Variants in YIPF1 observed in about 807,000 individuals in gnomAD.
YIPF1 encodes the protein Yip1 domain family member 1.
YIPF1 carries 22 observed loss-of-function variants against 37.0 expected under a neutral mutation model. The observed-to-expected ratio is 0.59, with a 90% CI of 0.42 to 0.85. YIPF1 has a LOEUF of 0.85. Ranked by LOEUF, YIPF1 falls within the 40% of genes least tolerant of loss-of-function variation. YIPF1 has a pLI of 0.00. For missense variants in YIPF1, 355 were observed against 373.1 expected (o/e 0.95, Z 0.40); for synonymous variants, 128 against 131.9 (o/e 0.97, Z 0.21).
intron 3 of YIPF1, among the ~76,000 whole-genome samples, chr1:53,883,969 A>C (rs1339578358): frequency 6.6e-6 from 1 of 151,760 alleles, no homozygotes; most frequent in Non-Finnish European, 1.5e-5. Context: ...CCCAGGAGGC[A>C]AAGGTTGCAG....
Position 53,878,414 on chromosome 1 carries a change from C to G in YIPF1, c.277-12G>C. 1 of 1,612,048 alleles carries G rather than the reference C, an allele frequency of 6.2e-7. No individual in the cohort carries two copies. The highest frequency in any genetic ancestry group is 8.5e-7 in the Non-Finnish European group (1 of 1,179,426). Reference sequence around the variant, plus strand: ...ATTCTGTCAAAGACCTGGAAAACATCATAGCAGTAATTCTACTGAAGTTTT... The same window carrying G: ...ATTCTGTCAAAGACCTGGAAAACATGATAGCAGTAATTCTACTGAAGTTTT... On this transcript the variant is annotated splice_polypyrimidine_tract_variant and intron_variant, in intron 5 of 10. Coordinates refer to ENST00000072644, the MANE Select transcript of YIPF1 (RefSeq NM_018982.5).
chr1:53,869,108 A>AG (rs1411066998), intron 7 of YIPF1, among the ~76,000 whole-genome samples: 1 of 151,778 alleles, frequency 6.6e-6, no homozygotes, highest in African/African-American at 2.4e-5. Context: ...GGGGAAGAAA[A>AG]GAAGGAAGGA....
intron 9 of YIPF1, among the ~76,000 whole-genome samples, chr1:53,864,021 C>T (rs1379279556): frequency 9.9e-5 from 15 of 152,274 alleles, no homozygotes; most frequent in South Asian, 2.1e-4. Context: ...GGATTATAGG[C>T]GAGAGCCACC....
intron 10 of YIPF1, among the ~76,000 whole-genome samples, chr1:53,856,992 T>C (rs1488351429): frequency 6.6e-6 from 1 of 152,174 alleles, no homozygotes; most frequent in Non-Finnish European, 1.5e-5. Context: ...TCCATCTCAC[T>C]ATCAGACTCG....
In YIPF1 at chr1:53,871,323, C is replaced by G. The variant is rs142523150; in HGVS notation, c.481+49G>C. 2.4e-4 allele frequency: 374 copies of G among 1,563,130 alleles called. No individual in the cohort carries two copies. In the East Asian group the frequency reaches 7.6e-3, roughly 32 times the overall value. On this transcript the variant is annotated intron_variant, in intron 7 of 10. Transcript: ENST00000072644. ...AGGAGCTCAGTGGGTAAAAAGAACT[C>G]AAAGCTAGAAACTGACAGCATTCCA...
chr1:53,871,030 A>G (rs1393830386), intron 7 of YIPF1, among the ~76,000 whole-genome samples: 2 of 151,572 alleles, frequency 1.3e-5, no homozygotes, highest in African/African-American at 4.8e-5. Context: ...AAAAAAAAAA[A>G]AAAAAAGGAA....
Position 53,851,832 on chromosome 1 carries a change from TCTACTGTTCGG to T in YIPF1, c.*436_*446del, listed in dbSNP as rs1000654642. On this transcript the variant is annotated 3_prime_UTR_variant, in exon 11 of 11. Transcript: ENST00000072644. Reference sequence around the variant, plus strand: ...CTCCCGGTTAATCCCCACCAAAGTTTCTACTGTTCGGCTACTTCAGGATGGCTAACATTTGG... The same window carrying T: ...CTCCCGGTTAATCCCCACCAAAGTTTCTACTTCAGGATGGCTAACATTTGG... 1.3e-5 allele frequency: 2 copies of T among 152,202 alleles called. No individual in the cohort carries two copies. The highest frequency in any genetic ancestry group is 4.8e-5 in the African/African-American group (2 of 41,428). 9.4% of individuals were successfully genotyped at this position (152,202 alleles called of 1,614,324 possible). A position where few individuals can be genotyped will look rare whatever the true frequency, so the allele number is the denominator to read the frequency against.
chr1:53,857,684 A>G lies in YIPF1; in HGVS notation c.*8+2372T>C, dbSNP rs1445331469. Among the ~76,000 whole-genome samples the G allele has an allele frequency of 3.9e-5, 6 of 152,146 alleles. No homozygotes were observed. The East Asian group carries it at 1.2e-3, about 29-fold the overall frequency. On this transcript the variant is annotated intron_variant, in intron 10 of 10. Transcript: ENST00000072644. The stretch of plus-strand genomic sequence containing the variant: ...AGAGTGGCCAATGAGAGAATAAACT[A>G]GGAAATGTTTTGTCAGGCCGGGCGC...
chr1:53,875,614 C>T (rs1650315612), intron 6 of YIPF1, among the ~76,000 whole-genome samples: 2 of 152,228 alleles, frequency 1.3e-5, no homozygotes, highest in South Asian at 2.1e-4. Context: ...TGAGACCTTA[C>T]CTGTCCCTCC....
intron 4 of YIPF1, among the ~76,000 whole-genome samples, chr1:53,880,959 C>G (rs1650480855): frequency 6.6e-6 from 1 of 152,000 alleles, no homozygotes; most frequent in East Asian, 1.9e-4. Flanking sequence ...TAAAAAAACC[C>G]TAGAAGAGAA....
intron 7 of YIPF1, among the ~76,000 whole-genome samples, chr1:53,869,343 T>TGC (rs1650117133): frequency 1.3e-5 from 2 of 152,108 alleles, no homozygotes; most frequent in African/African-American, 4.8e-5. Context: ...TGTGTGTGTG[T>TGC]GTGTATAGTA....
intron 3 of YIPF1, among the ~76,000 whole-genome samples, chr1:53,884,138 G>A (rs187862102): frequency 6.6e-6 from 1 of 150,996 alleles, no homozygotes; most frequent in East Asian, 2.0e-4. Context: ...GGGAGGCCAA[G>A]GCAAGAGGAC....
At chr1:53,888,228 G>GAAAC (rs200571191) in intron 3 of YIPF1, among the ~76,000 whole-genome samples, 3,778 of 152,080 alleles carry the variant, frequency 0.025, 163 homozygotes, top group African/African-American at 0.087. Context: ...TCCATCAAAA[G>GAAAC]AAACAAACAA....
chr1:53,872,083 T>C (rs1236074599), intron 6 of YIPF1, among the ~76,000 whole-genome samples: 1 of 151,182 alleles, frequency 6.6e-6, no homozygotes, highest in African/African-American at 2.4e-5. Flanking sequence ...ATGCACTATA[T>C]ACACCTACTG....
rs1650038084 is a variant in YIPF1, at chr1:53,866,819, T to C, written c.587A>G (p.Tyr196Cys). 1.2e-6 allele frequency: 2 copies of C among 1,613,960 alleles called. No individual in the cohort carries two copies. Among genetic ancestry groups the C allele is most frequent in the African/African-American group, 2.7e-5 (2 of 74,894 alleles). Reference sequence around the variant, plus strand: ...GACACACACAATCTCCAGAAATGAATAGGAGACGATGTTCATAACTTTGCT... The same window carrying C: ...GACACACACAATCTCCAGAAATGAACAGGAGACGATGTTCATAACTTTGCT... ...RNSKVMNIVS[Y>C]SFLEIVCVYG... Residue 196 changes from tyrosine to cysteine, a missense_variant, in exon 8 of 11, where the codon TAT (tyrosine) becomes TGT (cysteine). Coordinates refer to ENST00000072644, the MANE Select transcript of YIPF1 (RefSeq NM_018982.5).
At chr1:53,866,683 G>T in intron 8 of YIPF1, 75 bp downstream of exon 8, 1 of 1,485,100 alleles carries the variant, frequency 6.7e-7, no homozygotes, top group Non-Finnish European at 9.1e-7. Flanking sequence ...AATGATGGTA[G>T]GTCAAATTCT....
At chr1:53,879,129 C>A (rs1650419239) in intron 4 of YIPF1, among the ~76,000 whole-genome samples, 1 of 150,778 alleles carries the variant, frequency 6.6e-6, no homozygotes, top group Non-Finnish European at 1.5e-5. Context: ...GCGTCTCACT[C>A]TCTTTCCCAA....
intron 4 of YIPF1, among the ~76,000 whole-genome samples, chr1:53,881,521 A>G (rs1299457073): frequency 6.6e-6 from 1 of 152,214 alleles, no homozygotes; most frequent in Non-Finnish European, 1.5e-5. Context: ...GCAAATTTAC[A>G]AGGAAAAAAC....
At chr1:53,884,252 C>A (rs972078625) in intron 3 of YIPF1, among the ~76,000 whole-genome samples, 47 of 107,450 alleles carry the variant, frequency 4.4e-4, no homozygotes, top group Admixed American at 1.3e-3. Flanking sequence ...AAAAAAAAAA[C>A]CCAAAAAACA....
Sources: gnomAD v4.1 joint callset for allele counts (sites outside exome capture counted in the v4.1 genomes callset) on GRCh38, gnomAD v4.1.1 for gene constraint, MANE v1.5 for transcripts, NCBI Gene and HGNC (gene_info 2026-07-23, HGNC 2026-07-21) for gene names.